The following FMN2 variants were observed in gnomAD, a reference collection of about 807,000 sequenced individuals.
FMN2 encodes the protein formin-2.
FMN2 carries 51 observed loss-of-function variants against 142.3 expected under a neutral mutation model. The ratio of observed to expected loss-of-function variants is 0.36; its 90% CI spans 0.29 to 0.45. FMN2 has a LOEUF of 0.45. Among genes scored for constraint, FMN2 ranks in the 20% least tolerant of loss-of-function variants. The pLI is 1.00. For missense variants in FMN2, 1,936 were observed against 2,122.8 expected, an observed-to-expected ratio of 0.91 and a Z score of 1.73; for synonymous variants, 882 against 869.8, an observed-to-expected ratio of 1.01 and a Z score of -0.25.
In FMN2 at chr1:240,097,491, G is replaced by T. The variant is rs374065892; in HGVS notation, c.1615+3767G>T. 1.4e-4 allele frequency among the ~76,000 whole-genome samples: 21 copies of T among 151,990 alleles called. No individual in the cohort carries two copies. The South Asian group carries it at 4.4e-3, about 32-fold the overall frequency. On this transcript the variant is annotated intron_variant, in intron 1 of 17. Transcript: ENST00000319653. ...CTGCCTCAGCCTCCTGAGTAGCTGG[G>T]ACTACAGGCGCCCACCACCATGCCC...
chr1:240,211,834 A>G (rs1666700964), intron 6 of FMN2, among the ~76,000 whole-genome samples: 1 of 152,184 alleles, frequency 6.6e-6, no homozygotes, highest in Non-Finnish European at 1.5e-5. Context: ...AACATTTCCA[A>G]GCAATTTTTT....
chr1:240,431,402 T>TTTTATA (rs1293874318), intron 15 of FMN2, among the ~76,000 whole-genome samples: 1 of 139,210 alleles, frequency 7.2e-6, no homozygotes, highest in African/African-American at 2.7e-5. Flanking sequence ...CAACCATGTT[T>TTTTATA]TATATATATA....
intron 8 of FMN2, among the ~76,000 whole-genome samples, chr1:240,299,484 CAG>C (rs1670117083): frequency 1.3e-5 from 2 of 152,232 alleles, no homozygotes; most frequent in South Asian, 4.1e-4. Flanking sequence ...AATATTTCTG[CAG>C]AGACTCAGAA....
chr1:240,229,634 A>G (rs1398512595), intron 6 of FMN2, among the ~76,000 whole-genome samples: 3 of 152,102 alleles, frequency 2.0e-5, no homozygotes, highest in South Asian at 2.1e-4. Context: ...TGTCTGTGCT[A>G]TCCTTCCATA....
At chr1:240,463,051 TGA>T (rs1676497540) in intron 16 of FMN2, among the ~76,000 whole-genome samples, 1 of 152,044 alleles carries the variant, frequency 6.6e-6, no homozygotes, top group Non-Finnish European at 1.5e-5. Flanking sequence ...GGAGATTAGG[TGA>T]GTTGGAGCCA....
chr1:240,195,682 A>G (rs1665885807), intron 4 of FMN2, among the ~76,000 whole-genome samples: 1 of 152,224 alleles, frequency 6.6e-6, no homozygotes, highest in Non-Finnish European at 1.5e-5. Context: ...TTTATAGGAC[A>G]AAACTACTGT....
intron 15 of FMN2, among the ~76,000 whole-genome samples, chr1:240,436,090 C>T (rs905481797): frequency 1.3e-5 from 2 of 152,160 alleles, no homozygotes; most frequent in Non-Finnish European, 2.9e-5. Context: ...TCTGTGTGTT[C>T]TCTGCCATCT....
At chr1:240,313,235 TTTCTCC>T (rs1670654151) in intron 8 of FMN2, among the ~76,000 whole-genome samples, 1 of 152,220 alleles carries the variant, frequency 6.6e-6, no homozygotes, top group Non-Finnish European at 1.5e-5. Flanking sequence ...ATGCTTCCTT[TTTCTCC>T]CATCCAAGTG....
intron 16 of FMN2, among the ~76,000 whole-genome samples, chr1:240,442,766 G>A (rs9287238): frequency 0.23 from 34,356 of 152,068 alleles, 4,945 homozygotes; most frequent in African/African-American, 0.41. Flanking sequence ...ATGTGATTTG[G>A]TTGATATATT....
chr1:240,205,694 C>G (rs1300943679), intron 4 of FMN2, among the ~76,000 whole-genome samples: 1 of 151,894 alleles, frequency 6.6e-6, no homozygotes, highest in Non-Finnish European at 1.5e-5. Flanking sequence ...ATCTCCTGAC[C>G]TCGTGATCCA....
chr1:240,204,587 C>A (rs1191812817), intron 4 of FMN2, among the ~76,000 whole-genome samples: 1 of 152,166 alleles, frequency 6.6e-6, no homozygotes, highest in Non-Finnish European at 1.5e-5. Flanking sequence ...CCTGTCTTTA[C>A]TAAAAATACA....
chr1:240,323,719 T>C (rs939416747), intron 8 of FMN2, among the ~76,000 whole-genome samples: 11 of 152,214 alleles, frequency 7.2e-5, no homozygotes, highest in Admixed American at 4.6e-4. Flanking sequence ...ACATTTTCTG[T>C]CTCTGACCTC....
At chr1:240,324,793 C>CAA (rs11392877) in intron 8 of FMN2, among the ~76,000 whole-genome samples, 1,745 of 146,936 alleles carry the variant, frequency 0.012, 36 homozygotes, top group African/African-American at 0.039. Flanking sequence ...AACCTTGCAT[C>CAA]AAAAAAAAAA....
intron 14 of FMN2, among the ~76,000 whole-genome samples, chr1:240,360,488 C>G (rs1224365148): frequency 1.3e-5 from 2 of 152,212 alleles, no homozygotes; most frequent in African/African-American, 4.8e-5. Flanking sequence ...CCTTCTCTCT[C>G]AACTTCAGTT....
intron 2 of FMN2, chr1:240,144,013 G>T: frequency 8.5e-7 from 1 of 1,179,642 alleles, no homozygotes; most frequent in Non-Finnish European, 1.3e-6. Context: ...ACTCATTCCA[G>T]ACCCCAGAGT....
At chr1:240,410,857 C>G (rs1364447822) in intron 15 of FMN2, among the ~76,000 whole-genome samples, 1 of 152,134 alleles carries the variant, frequency 6.6e-6, no homozygotes, top group Non-Finnish European at 1.5e-5. Flanking sequence ...ATTAGTACCA[C>G]AAGGCTGATA....
chr1:240,414,145 G>A (rs767222960), intron 15 of FMN2, among the ~76,000 whole-genome samples: 11 of 152,146 alleles, frequency 7.2e-5, no homozygotes, highest in African/African-American at 1.9e-4. Context: ...TGCCTCCTAC[G>A]TGAGAAAGGG....
chr1:240,391,575 C>G (rs1673605034), intron 14 of FMN2, among the ~76,000 whole-genome samples: 1 of 151,574 alleles, frequency 6.6e-6, no homozygotes, highest in Non-Finnish European at 1.5e-5. Flanking sequence ...TTACATTTTA[C>G]TTTTTTTTTG....
chr1:240,162,276 CA>C (rs1461853132), intron 2 of FMN2, among the ~76,000 whole-genome samples: 2 of 151,990 alleles, frequency 1.3e-5, no homozygotes, highest in African/African-American at 4.8e-5. Flanking sequence ...CCAGCCTGAC[CA>C]ATATGGTGAA....
Sources: gnomAD v4.1 joint callset for allele counts (sites outside exome capture counted in the v4.1 genomes callset) on GRCh38, gnomAD v4.1.1 for gene constraint, MANE v1.5 for transcripts, NCBI Gene and HGNC (gene_info 2026-07-23, HGNC 2026-07-21) for gene names.